The following NUP160 variants were observed in gnomAD, a reference collection of about 807,000 sequenced individuals.
The protein encoded by NUP160 is nuclear pore complex protein Nup160.
In NUP160, 94 loss-of-function variants were observed where a neutral mutation model predicts 196.9. The ratio of observed to expected loss-of-function variants is 0.48; its 90% CI spans 0.40 to 0.57. NUP160 has a LOEUF of 0.57. Ranked by LOEUF, NUP160 falls within the 20% of genes least tolerant of loss-of-function variation. NUP160 has a pLI of 0.00. For synonymous variants in NUP160, 605 were observed against 619.7 expected (o/e 0.98, Z 0.35); for missense variants, 1,638 against 1,748.3 (o/e 0.94, Z 1.13).
At chr11:47,787,866 C>T (rs1034290782) in intron 31 of NUP160, among the ~76,000 whole-genome samples, 12 of 152,058 alleles carry the variant, frequency 7.9e-5, no homozygotes, top group African/African-American at 9.7e-5. Flanking sequence ...TACAGGCGCC[C>T]GCCACCACGC....
At chr11:47,841,387 A>G in intron 2 of NUP160, 3 of 457,554 alleles carry the variant, frequency 6.6e-6, no homozygotes, top group South Asian at 2.4e-5. Flanking sequence ...AAACTGTGAT[A>G]CAATCCTGAC....
At chr11:47,809,191 C>A (rs1420263081) in intron 17 of NUP160, among the ~76,000 whole-genome samples, 1 of 143,978 alleles carries the variant, frequency 6.9e-6, no homozygotes, top group East Asian at 2.1e-4. Context: ...GAAATCAAGG[C>A]TGCAGTGGGC....
exon 10 of NUP160, chr11:47,819,436 G>C: frequency 6.2e-7 from 1 of 1,613,426 alleles, no homozygotes. Flanking sequence ...ATAAAAACTG[G>C]ATTCCACTGA....
chr11:47,822,507 C>T (rs867125465), intron 7 of NUP160, among the ~76,000 whole-genome samples: 4 of 151,822 alleles, frequency 2.6e-5, no homozygotes, highest in Non-Finnish European at 4.4e-5. Context: ...GCGCCTGCCT[C>T]GGCCTCCCAA....
intron 17 of NUP160, among the ~76,000 whole-genome samples, chr11:47,808,989 T>C (rs2097679390): frequency 6.6e-6 from 1 of 151,340 alleles, no homozygotes; most frequent in African/African-American, 2.4e-5. Context: ...TATTCCCAAC[T>C]ATTTGGGAGG....
chr11:47,827,278 C>A, intron 7 of NUP160: 1 of 388,560 alleles, frequency 2.6e-6, no homozygotes, highest in Non-Finnish European at 5.1e-6. Context: ...GTGGGAGGAT[C>A]GCTTGAACCT....
At chr11:47,797,560 C>T (rs1465761050) in intron 27 of NUP160, among the ~76,000 whole-genome samples, 1 of 152,100 alleles carries the variant, frequency 6.6e-6, no homozygotes, top group Admixed American at 6.6e-5. Context: ...TATAATTGTA[C>T]AGAAGATGCA....
intron 29 of NUP160, 64 bp downstream of exon 29, chr11:47,791,866 T>A: frequency 9.5e-7 from 1 of 1,049,726 alleles, no homozygotes; most frequent in Non-Finnish European, 1.5e-6. Flanking sequence ...TCTATCATAA[T>A]ACAACTAACA....
At chr11:47,804,601 C>A (rs141282158) in exon 21 of NUP160, 26 of 1,530,252 alleles carry the variant, frequency 1.7e-5, no homozygotes, top group Non-Finnish European at 2.1e-5. Flanking sequence ...AAAGAGACAA[C>A]CAGGATTGCT....
At chr11:47,815,241 G>T (rs1219141934) in intron 13 of NUP160, 1 of 336,178 alleles carries the variant, frequency 3.0e-6, no homozygotes, top group Non-Finnish European at 5.3e-6. Flanking sequence ...AAAAGAAAAA[G>T]AAATAAATAC....
chr11:47,845,226 C>T (rs528074857), intron 2 of NUP160, among the ~76,000 whole-genome samples: 285 of 152,218 alleles, frequency 1.9e-3, no homozygotes, highest in Middle Eastern at 0.014. Flanking sequence ...CTGCACCCTC[C>T]ACCTCCTGGG....
At chr11:47,812,015 C>T in intron 17 of NUP160, 49 bp downstream of exon 17, 2 of 1,578,762 alleles carry the variant, frequency 1.3e-6, no homozygotes, top group Non-Finnish European at 8.7e-7. Flanking sequence ...TGCTTGTAGG[C>T]CTATAACAGG....
At chr11:47,780,310 T>C in intron 35 of NUP160, 33 bp downstream of exon 35, 1 of 1,419,720 alleles carries the variant, frequency 7.0e-7, no homozygotes, top group Middle Eastern at 1.8e-4. Flanking sequence ...TGCAGGGGCT[T>C]ACACAAGACG....
At chr11:47,843,558 G>A (rs1852346047) in intron 2 of NUP160, among the ~76,000 whole-genome samples, 1 of 152,146 alleles carries the variant, frequency 6.6e-6, no homozygotes, top group South Asian at 2.1e-4. Flanking sequence ...TCTCAACTGG[G>A]GGCGATTCTT....
chr11:47,836,932 G>A (rs963421077), exon 6 of NUP160: 3 of 1,613,614 alleles, frequency 1.9e-6, no homozygotes, highest in South Asian at 1.1e-5. Context: ...ACAAAGCAAA[G>A]ATGAAGGCAT....
At chr11:47,786,306 T>C in intron 32 of NUP160, 147 bp downstream of exon 32, 1 of 500,114 alleles carries the variant, frequency 2.0e-6, no homozygotes, top group Non-Finnish European at 3.6e-6. Context: ...GATGTCACCT[T>C]AATTATAAAC....
Position 47,818,041 on chromosome 11 carries a change from A to T in NUP160, c.1431+15T>A. The T allele has an allele frequency of 6.4e-7, 1 of 1,555,248 alleles. No homozygotes were observed. The highest frequency in any genetic ancestry group is 8.8e-7 in the Non-Finnish European group (1 of 1,133,180). Reference sequence around the variant, plus strand: ...AGAAATAGTCTTAAACAAACAGTAAATTTTTTTTGCTGACCTGTAAAGCCT... The same window carrying T: ...AGAAATAGTCTTAAACAAACAGTAATTTTTTTTTGCTGACCTGTAAAGCCT... On this transcript the variant is annotated intron_variant, in intron 11 of 35. Transcript: ENST00000378460.
At chr11:47,835,920 CTGCTAAAAGACCTTACAGGTTTTTG>C in intron 6 of NUP160, 111 bp from the exon 7 acceptor site, 5 of 879,058 alleles carry the variant, frequency 5.7e-6, no homozygotes, top group Non-Finnish European at 8.4e-6. Context: ...TCTAGTTTAT[CTGCTAAAAGACCTTACAGGTTTTTG>C]TTTCAAAAGG....
exon 4 of NUP160, chr11:47,840,050 T>G: frequency 6.2e-7 from 1 of 1,610,688 alleles, no homozygotes; most frequent in Non-Finnish European, 8.5e-7. Context: ...TGCATCTGAC[T>G]GTCAACTACC....
Sources: allele counts gnomAD v4.1 joint callset (sites outside exome capture counted in the v4.1 genomes callset), GRCh38; gene constraint gnomAD v4.1.1; transcripts MANE v1.5; gene names NCBI Gene and HGNC (gene_info 2026-07-23, HGNC 2026-07-21).